KIAA0319L: variants seen among roughly 807,000 people sequenced by gnomAD.
The protein encoded by KIAA0319L is dyslexia-associated protein KIAA0319-like protein.
KIAA0319L carries 55 observed loss-of-function variants against 120.1 expected under a neutral mutation model. That is an observed-to-expected ratio of 0.46 (90% CI 0.37 to 0.57). The LOEUF (loss-of-function observed/expected upper bound fraction) is 0.57, where lower values mean the gene tolerates loss of function less well. Among genes scored for constraint, KIAA0319L ranks in the 20% least tolerant of loss-of-function variants. KIAA0319L has a pLI of 0.00. For synonymous variants in KIAA0319L, 398 were observed against 471.9 expected (o/e 0.84, Z 2.03); for missense variants, 1,049 against 1,255.3 (o/e 0.84, Z 2.48).
Position 35,508,641 on chromosome 1 carries a change from T to C in KIAA0319L, c.143-1506A>G, listed in dbSNP as rs545615769. Among the ~76,000 whole-genome samples the C allele has an allele frequency of 6.1e-4, 93 of 151,490 alleles. 1 individual carries two copies. The highest frequency in any genetic ancestry group is 2.6e-3 in the Admixed American group (39 of 15,230). On this transcript the variant is annotated intron_variant, in intron 2 of 20. Coordinates refer to ENST00000325722, the MANE Select transcript of KIAA0319L (RefSeq NM_024874.5). ...ACCAACTACGAAAAAAAAATCAAGC[T>C]ACCAACAGATACAGAAATACCCCCT...
At position 35,435,020 on chromosome 1, in the gene KIAA0319L, G is replaced by A. The variant is rs1293385152; in HGVS notation, c.3024C>T (p.Asp1008=). The part of the protein sequence containing the change: ...SSLMHSESEL[D]SDDAIFTWPD... ...GCCATGTAAAGATGGCATCATCGCT[G>A]TCCAGCTCTGACTCGGAGTGCATCA... Residue 1008 remains aspartate (D), a synonymous_variant, in exon 21 of 21, where the codon GAC becomes GAT. Transcript: ENST00000325722. 2 of 1,614,104 alleles carry A rather than the reference G, an allele frequency of 1.2e-6. No individual in the cohort carries two copies. The highest frequency in any genetic ancestry group is 1.7e-5 in the Admixed American group (1 of 60,010).
intron 3 of KIAA0319L, among the ~76,000 whole-genome samples, chr1:35,500,673 T>C (rs1004661173): frequency 6.6e-5 from 10 of 152,184 alleles, no homozygotes; most frequent in Admixed American, 2.6e-4. Context: ...CAGCACAAAC[T>C]AGAAACTGGT....
Position 35,554,519 on chromosome 1 carries a change from A to T in KIAA0319L, c.-28T>A, listed in dbSNP as rs936642954. ...CCCTCCAGACAGGCAGAACCAGTAC[A>T]CTAGAAGGACAGAAAGAGAAGAAAT... On this transcript the variant is annotated splice_region_variant and 5_prime_UTR_variant, in exon 2 of 21. Transcript: ENST00000325722. 7.8e-6 allele frequency: 12 copies of T among 1,546,118 alleles called. No individual in the cohort carries two copies. The highest frequency in any genetic ancestry group is 9.6e-6 in the Non-Finnish European group (11 of 1,148,712).
intron 2 of KIAA0319L, among the ~76,000 whole-genome samples, chr1:35,524,243 T>C (rs1003538068): frequency 1.3e-5 from 2 of 152,246 alleles, no homozygotes; most frequent in Non-Finnish European, 2.9e-5. Flanking sequence ...CTAGCAGCTC[T>C]GGTAAAATCC....
At chr1:35,489,667 T>C (rs1644518155) in intron 3 of KIAA0319L, among the ~76,000 whole-genome samples, 1 of 150,098 alleles carries the variant, frequency 6.7e-6, no homozygotes, top group African/African-American at 2.5e-5. Flanking sequence ...TTTGTTTCTT[T>C]GGGTTTTTTT....
intron 10 of KIAA0319L, 140 bp from the exon 11 acceptor site, chr1:35,454,625 G>A: frequency 1.4e-6 from 2 of 1,434,008 alleles, no homozygotes; most frequent in Non-Finnish European, 1.8e-6. Flanking sequence ...AGTTCAGCAT[G>A]TGAGTGAATA....
intron 2 of KIAA0319L, among the ~76,000 whole-genome samples, chr1:35,528,009 T>C (rs138132891): frequency 9.3e-4 from 142 of 152,290 alleles, no homozygotes; most frequent in African/African-American, 2.8e-3. Flanking sequence ...AGGTGTTTAT[T>C]GCTCTAAACT....
intron 6 of KIAA0319L, among the ~76,000 whole-genome samples, chr1:35,467,229 C>T (rs1156350199): frequency 2.0e-5 from 3 of 152,098 alleles, no homozygotes; most frequent in Non-Finnish European, 2.9e-5. Flanking sequence ...CCGAATATCC[C>T]ACTCCACAGA....
intron 2 of KIAA0319L, among the ~76,000 whole-genome samples, chr1:35,528,945 G>A (rs1405049721): frequency 2.0e-5 from 3 of 152,070 alleles, no homozygotes; most frequent in African/African-American, 7.2e-5. Flanking sequence ...GTTTCCATTT[G>A]CACGGAGTAT....
In KIAA0319L at chr1:35,481,607, C is replaced by T. The variant is rs75871118; in HGVS notation, c.667-2395G>A. ...GTAAAGTTTATCCAAATTTTTACCC[C>T]CCCTTTTTAAAGCTTTATTAAGGTA... On this transcript the variant is annotated intron_variant, in intron 3 of 20. Coordinates refer to ENST00000325722, the MANE Select transcript of KIAA0319L (RefSeq NM_024874.5). Among the ~76,000 whole-genome samples, 33 of 151,944 alleles carry T rather than the reference C, an allele frequency of 2.2e-4. No homozygotes were observed. The East Asian group carries it at 6.4e-3, about 29-fold the overall frequency.
At chr1:35,522,551 T>G (rs1479591941) in intron 2 of KIAA0319L, among the ~76,000 whole-genome samples, 1 of 152,202 alleles carries the variant, frequency 6.6e-6, no homozygotes, top group Non-Finnish European at 1.5e-5. Flanking sequence ...GTGCTGGGAT[T>G]ACAGGCGTGA....
chr1:35,456,583 G>A (rs1449663533), intron 9 of KIAA0319L, among the ~76,000 whole-genome samples: 1 of 152,080 alleles, frequency 6.6e-6, no homozygotes, highest in Non-Finnish European at 1.5e-5. Flanking sequence ...AGGCCAAGGC[G>A]TGCGGATCAC....
At chr1:35,478,866 G>A in intron 4 of KIAA0319L, 100 bp downstream of exon 4, 4 of 1,366,048 alleles carry the variant, frequency 2.9e-6, no homozygotes, top group Non-Finnish European at 4.0e-6. Flanking sequence ...CTAACACACA[G>A]TATTCAAGTT....
chr1:35,512,755 G>A (rs1645503705), intron 2 of KIAA0319L, among the ~76,000 whole-genome samples: 1 of 151,416 alleles, frequency 6.6e-6, no homozygotes, highest in Non-Finnish European at 1.5e-5. Context: ...TGTAATTCCA[G>A]CTACTTGGGA....
chr1:35,504,889 C>G (rs1056065477), intron 3 of KIAA0319L, among the ~76,000 whole-genome samples: 1 of 152,206 alleles, frequency 6.6e-6, no homozygotes, highest in Non-Finnish European at 1.5e-5. Flanking sequence ...TCTCTTTCTC[C>G]GTTTGCCCAG....
At chr1:35,479,968 A>AAAAAAAAAT in intron 3 of KIAA0319L, among the ~76,000 whole-genome samples, 1 of 145,200 alleles carries the variant, frequency 6.9e-6, no homozygotes, top group African/African-American at 2.6e-5. Context: ...AAAAAAAAAA[A>AAAAAAAAAT]AAAACACAAG....
intron 3 of KIAA0319L, among the ~76,000 whole-genome samples, chr1:35,490,752 T>A (rs1178217747): frequency 6.6e-6 from 1 of 152,206 alleles, no homozygotes; most frequent in African/African-American, 2.4e-5. Context: ...CCCACCCAAA[T>A]CTCATGTTGA....
intron 8 of KIAA0319L, among the ~76,000 whole-genome samples, chr1:35,462,206 T>C (rs1397722025): frequency 6.6e-6 from 1 of 152,108 alleles, no homozygotes; most frequent in East Asian, 1.9e-4. Context: ...AGAATCTCGT[T>C]AGGCAAGTGA....
chr1:35,502,561 ACTT>A (rs1032041785), intron 3 of KIAA0319L, among the ~76,000 whole-genome samples: 1 of 151,488 alleles, frequency 6.6e-6, no homozygotes, highest in Admixed American at 6.6e-5. Flanking sequence ...CCTCCAATAA[ACTT>A]CTTCTCCACT....
Sources: gnomAD v4.1 joint callset for allele counts (sites outside exome capture counted in the v4.1 genomes callset) on GRCh38, gnomAD v4.1.1 for gene constraint, MANE v1.5 for transcripts, NCBI Gene and HGNC (gene_info 2026-07-23, HGNC 2026-07-21) for gene names.